PLCB1: variants seen among roughly 807,000 people sequenced by gnomAD.
PLCB1 encodes phospholipase C beta 1, also known as 1-phosphatidylinositol 4,5-bisphosphate phosphodiesterase beta-1.
A neutral mutation model predicts 161.8 loss-of-function variants in PLCB1; 46 were observed. The ratio of observed to expected loss-of-function variants is 0.28; its 90% CI spans 0.22 to 0.36. The LOEUF is 0.36. Ranked by LOEUF, PLCB1 falls within the 10% of genes least tolerant of loss-of-function variation. The probability of loss-of-function intolerance (pLI) is 1.00; values close to 1 mark genes in which losing one functional copy is unlikely to be tolerated. For missense variants in PLCB1, 1,016 were observed against 1,472.5 expected, an observed-to-expected ratio of 0.69 and a Z score of 5.07; for synonymous variants, 517 against 503.7, an observed-to-expected ratio of 1.03 and a Z score of -0.35.
intron 2 of PLCB1, among the ~76,000 whole-genome samples, chr20:8,362,100 C>G (rs972423314): frequency 6.6e-6 from 1 of 152,094 alleles, no homozygotes; most frequent in African/African-American, 2.4e-5. Flanking sequence ...CATGCAACAT[C>G]ATTCATTCTT....
intron 3 of PLCB1, among the ~76,000 whole-genome samples, chr20:8,486,543 C>A (rs899337327): frequency 5.4e-5 from 7 of 128,992 alleles, no homozygotes; most frequent in Non-Finnish European, 9.2e-5. Flanking sequence ...GGCCGGACTG[C>A]GGACTGCAGT....
intron 2 of PLCB1, among the ~76,000 whole-genome samples, chr20:8,334,543 G>T (rs1985497407): frequency 6.6e-6 from 1 of 152,180 alleles, no homozygotes; most frequent in African/African-American, 2.4e-5. Context: ...GTGCCATAAT[G>T]TACTGATCCA....
At chr20:8,370,958 C>G (rs942061232) in intron 2 of PLCB1, 2 of 159,062 alleles carry the variant, frequency 1.3e-5, no homozygotes, top group African/African-American at 4.8e-5. Context: ...TCTGCCTTGG[C>G]CAGATAAGCT....
At chr20:8,367,594 C>G (rs1600347520) in intron 2 of PLCB1, among the ~76,000 whole-genome samples, 1 of 152,162 alleles carries the variant, frequency 6.6e-6, no homozygotes, top group South Asian at 2.1e-4. Flanking sequence ...GGTCCTCACT[C>G]AAACCCAAGT....
chr20:8,839,162 T>C (rs1350881627), intron 31 of PLCB1, among the ~76,000 whole-genome samples: 2 of 152,156 alleles, frequency 1.3e-5, no homozygotes, highest in Non-Finnish European at 2.9e-5. Flanking sequence ...GGGTAGGAGA[T>C]ATATCTGACA....
intron 3 of PLCB1, among the ~76,000 whole-genome samples, chr20:8,594,377 C>T (rs565908808): frequency 6.6e-6 from 1 of 151,748 alleles, no homozygotes; most frequent in African/African-American, 2.4e-5. Context: ...TACTCCACCA[C>T]GCTACAATAC....
At chr20:8,163,067 G>T (rs2051641421) in intron 2 of PLCB1, among the ~76,000 whole-genome samples, 2 of 152,200 alleles carry the variant, frequency 1.3e-5, no homozygotes, top group African/African-American at 4.8e-5. Context: ...TTTTCCAACA[G>T]TTGACTGCAA....
chr20:8,609,453 TG>T (rs1987844792), intron 3 of PLCB1, among the ~76,000 whole-genome samples: 1 of 152,218 alleles, frequency 6.6e-6, no homozygotes, highest in South Asian at 2.1e-4. Flanking sequence ...CCAAGCTAAA[TG>T]TGTCCTTCAA....
intron 31 of PLCB1, among the ~76,000 whole-genome samples, chr20:8,879,023 A>G (rs187131716): frequency 2.1e-4 from 32 of 152,186 alleles, no homozygotes; most frequent in African/African-American, 6.5e-4. Flanking sequence ...TGAATACCCA[A>G]TGTTTAGCTC....
intron 3 of PLCB1, among the ~76,000 whole-genome samples, chr20:8,594,068 A>C (rs1987244186): frequency 6.6e-6 from 1 of 152,094 alleles, no homozygotes; most frequent in South Asian, 2.1e-4. Context: ...TTTTTGTTAT[A>C]GACAGGGTCT....
intron 25 of PLCB1, among the ~76,000 whole-genome samples, chr20:8,761,039 G>A (rs1454585028): frequency 6.6e-6 from 1 of 152,076 alleles, no homozygotes; most frequent in Non-Finnish European, 1.5e-5. Flanking sequence ...CACTGGTAAG[G>A]GCCAAATCTA....
intron 10 of PLCB1, among the ~76,000 whole-genome samples, chr20:8,688,007 G>C (rs1990396545): frequency 6.6e-6 from 1 of 152,122 alleles, no homozygotes; most frequent in Non-Finnish European, 1.5e-5. Flanking sequence ...ACTGTTTTTT[G>C]ATTCTTGGAT....
chr20:8,269,240 C>G (rs568530629), intron 2 of PLCB1, among the ~76,000 whole-genome samples: 1 of 152,122 alleles, frequency 6.6e-6, no homozygotes, highest in Non-Finnish European at 1.5e-5. Flanking sequence ...CCCCATCCCC[C>G]CAACCCCTGA....
chr20:8,164,692 G>A (rs2051658491), intron 2 of PLCB1, among the ~76,000 whole-genome samples: 1 of 152,124 alleles, frequency 6.6e-6, no homozygotes, highest in African/African-American at 2.4e-5. Flanking sequence ...TGTAATATCT[G>A]GACTCACTTT....
chr20:8,289,117 C>A (rs1983266563), intron 2 of PLCB1, among the ~76,000 whole-genome samples: 1 of 152,166 alleles, frequency 6.6e-6, no homozygotes, highest in Non-Finnish European at 1.5e-5. Flanking sequence ...GCTTTTTCAA[C>A]CCGGGTTCCC....
intron 2 of PLCB1, among the ~76,000 whole-genome samples, chr20:8,363,972 C>T (rs943029808): frequency 7.2e-5 from 11 of 152,224 alleles, no homozygotes; most frequent in Non-Finnish European, 8.8e-5. Context: ...TAAATACATA[C>T]GATTATTATT....
At chr20:8,844,783 C>A (rs890245760) in intron 31 of PLCB1, among the ~76,000 whole-genome samples, 1 of 152,122 alleles carries the variant, frequency 6.6e-6, no homozygotes, top group African/African-American at 2.4e-5. Context: ...ATCCTCTGAA[C>A]ATATGCATGC....
At position 8,601,176 on chromosome 20, in the gene PLCB1, A is replaced by G. The variant is rs112900346; in HGVS notation, c.247-27118A>G. Among the ~76,000 whole-genome samples the G allele has an allele frequency of 4.9e-4, 75 of 152,322 alleles. 1 individual carries two copies. Among genetic ancestry groups the G allele is most frequent in the African/African-American group, 1.7e-3 (71 of 41,558 alleles). The stretch of plus-strand genomic sequence containing the variant: ...AAAAGAAGACTGTTAAGAGGCTAAA[A>G]ATAACCTAAACATGCCAAAGAAGTA... On this transcript the variant is annotated intron_variant, in intron 3 of 31. Transcript: ENST00000338037.
chr20:8,728,056 C>T (rs1201857161), intron 17 of PLCB1, among the ~76,000 whole-genome samples: 1 of 152,040 alleles, frequency 6.6e-6, no homozygotes, highest in African/African-American at 2.4e-5. Context: ...TAAAATTCAT[C>T]AGTGGAAGAA....
Sources: allele counts gnomAD v4.1 joint callset (sites outside exome capture counted in the v4.1 genomes callset), GRCh38; gene constraint gnomAD v4.1.1; transcripts MANE v1.5; gene names NCBI Gene and HGNC (gene_info 2026-07-23, HGNC 2026-07-21).